COPA: variants seen among roughly 807,000 people sequenced by gnomAD.
The protein encoded by COPA is coatomer subunit alpha.
COPA carries 10 observed loss-of-function variants against 158.7 expected under a neutral mutation model. The ratio of observed to expected loss-of-function variants is 0.06; its 90% CI spans 0.04 to 0.11. The LOEUF (loss-of-function observed/expected upper bound fraction) is 0.11, where lower values mean the gene tolerates loss of function less well. Among genes scored for constraint, COPA ranks in the 10% least tolerant of loss-of-function variants. The probability of loss-of-function intolerance (pLI) is 1.00; values close to 1 mark genes in which losing one functional copy is unlikely to be tolerated. For missense variants in COPA, 1,065 were observed against 1,536.7 expected, an observed-to-expected ratio of 0.69 and a Z score of 5.13; for synonymous variants, 462 against 542.8, an observed-to-expected ratio of 0.85 and a Z score of 2.07.
At chr1:160,339,791 T>C (rs1647950412) in intron 3 of COPA, 118 bp downstream of exon 3, 3 of 822,840 alleles carry the variant, frequency 3.6e-6, no homozygotes, top group Middle Eastern at 2.4e-4. Flanking sequence ...CCGGATAATG[T>C]TGTCAAAGGC....
At chr1:160,324,666 A>G (rs756066511) in intron 7 of COPA, among the ~76,000 whole-genome samples, 14 of 152,166 alleles carry the variant, frequency 9.2e-5, no homozygotes, top group Non-Finnish European at 1.8e-4. Flanking sequence ...GATATGTGAT[A>G]TCATCGCTCT....
intron 6 of COPA, among the ~76,000 whole-genome samples, chr1:160,327,546 G>A (rs140284465): frequency 0.02 from 2,997 of 147,666 alleles, 45 homozygotes; most frequent in Non-Finnish European, 0.025. Flanking sequence ...GCGAAAGAAC[G>A]AAACTCCGTC....
rs1658191945 is a variant in COPA at position 160,290,526 on chromosome 1, G to C, written c.3581C>G (p.Pro1194Arg). 1 of 1,614,092 alleles carries C rather than the reference G, an allele frequency of 6.2e-7. No homozygotes were observed. The highest frequency in any genetic ancestry group is 8.5e-7 in the Non-Finnish European group (1 of 1,180,042). Residue 1194 changes from proline to arginine, a missense_variant, in exon 32 of 33, where the codon CCT (proline) becomes CGT (arginine). Physicochemically the swap from Pro to Arg is moderately radical, Grantham distance 103. This residue lies in a region of COPA where 980 missense variants were observed against 1,357.8 expected (regional missense o/e 0.72). Transcript: ENST00000241704. ...KCPLSGACYS[P>R]EFKGQICRVT... is the part of the protein sequence containing the mutation. Reference sequence around the variant, plus strand: ...CCTGCAGATTTGACCTTTGAACTCAGGGGAATAGCAGGCCCCACTGAGTGG... The same window carrying C: ...CCTGCAGATTTGACCTTTGAACTCACGGGAATAGCAGGCCCCACTGAGTGG...
intron 8 of COPA, among the ~76,000 whole-genome samples, chr1:160,315,965 A>C (rs1659119975): frequency 6.6e-6 from 1 of 152,250 alleles, no homozygotes; most frequent in African/African-American, 2.4e-5. Flanking sequence ...TTGAAACAGA[A>C]ACACATTTGC....
chr1:160,312,946 G>A, intron 10 of COPA, 139 bp downstream of exon 10: 2 of 705,422 alleles, frequency 2.8e-6, no homozygotes, highest in Non-Finnish European at 4.6e-6. Context: ...AAGGAGAAAA[G>A]CTTCAACTAA....
chr1:160,319,713 T>C (rs896285213), intron 8 of COPA, among the ~76,000 whole-genome samples: 1 of 151,444 alleles, frequency 6.6e-6, no homozygotes, highest in African/African-American at 2.4e-5. Flanking sequence ...TAGAAATCAA[T>C]AACAAGAGGA....
In COPA at chr1:160,297,565, T is replaced by C; in HGVS notation, c.2158A>G (p.Met720Val). 1 of 1,614,030 alleles carries C rather than the reference T, an allele frequency of 6.2e-7. No homozygotes were observed. ...AGTTTGAGGGCCTCACCAATCTTCA[T>C]CATCTTGCGAAGTTTTTCTAAGTTG... ...TGNLEKLRKM[M>V]KIAEIRKDMS... is the part of the protein sequence containing the mutation. Residue 720 changes from methionine to valine, a missense_variant, in exon 20 of 33, where the codon ATG becomes GTG. By Grantham distance (21) the Met-to-Val change is conservative. Coordinates refer to ENST00000241704, the MANE Select transcript of COPA (RefSeq NM_004371.4).
At chr1:160,318,197 G>A (rs1451551948) in intron 8 of COPA, among the ~76,000 whole-genome samples, 2 of 152,008 alleles carry the variant, frequency 1.3e-5, no homozygotes, top group Admixed American at 6.5e-5. Flanking sequence ...GAGGAATATC[G>A]GGTTGAAGTC....
At chr1:160,300,344 AAAATAAAT>A (rs36034271) in intron 17 of COPA, among the ~76,000 whole-genome samples, 7,361 of 138,862 alleles carry the variant, frequency 0.053, 555 homozygotes, top group African/African-American at 0.17. Flanking sequence ...ACTCCGACTC[AAAATAAAT>A]AAATAAATAA....
intron 6 of COPA, among the ~76,000 whole-genome samples, chr1:160,330,833 C>A (rs1340684583): frequency 6.6e-6 from 1 of 152,106 alleles, no homozygotes; most frequent in Non-Finnish European, 1.5e-5. Flanking sequence ...CAGTCACTGA[C>A]ATTTCAAAGA....
intron 17 of COPA, among the ~76,000 whole-genome samples, chr1:160,299,681 A>G (rs1445936104): frequency 1.3e-5 from 2 of 152,218 alleles, no homozygotes; most frequent in African/African-American, 4.8e-5. Flanking sequence ...AATAGATTGC[A>G]AATTGAAGTT....
At chr1:160,322,412 C>G (rs1286920292) in intron 8 of COPA, among the ~76,000 whole-genome samples, 1 of 152,084 alleles carries the variant, frequency 6.6e-6, no homozygotes, top group Admixed American at 6.6e-5. Flanking sequence ...CTATCTCTCA[C>G]CACACACAAA....
Position 160,312,322 on chromosome 1 carries a change from G to A in COPA, c.926-304C>T, listed in dbSNP as rs371615229. Among the ~76,000 whole-genome samples the A allele has an allele frequency of 3.2e-3, 483 of 152,030 alleles. 3 individuals are homozygous for A. Among genetic ancestry groups the A allele is most frequent in the African/African-American group, 0.011 (456 of 41,420 alleles). The stretch of plus-strand genomic sequence containing the variant: ...ATCATCCTGCACTGTAATCATTTAG[G>A]TCTATCACCCACATTGTAACATGAA... On this transcript the variant is annotated intron_variant, in intron 10 of 32. Transcript: ENST00000241704.
chr1:160,293,361 C>A lies in COPA; in HGVS notation c.2754+25G>T, dbSNP rs568817617. On this transcript the variant is annotated intron_variant, in intron 26 of 32. Transcript: ENST00000241704. ...ATCAAGTATTAGCCACTCATCCCTG[C>A]CGTGCTAGGTTTCTTCCCGCTTACC... 10 of 1,613,094 alleles carry A rather than the reference C, an allele frequency of 6.2e-6. No homozygotes were observed. In the South Asian group the frequency reaches 1.1e-4, roughly 18 times the overall value.
At chr1:160,294,922 T>G (rs939545976) in intron 23 of COPA, 65 bp from the exon 24 acceptor site, 34 of 1,385,434 alleles carry the variant, frequency 2.5e-5, no homozygotes, top group Non-Finnish European at 3.0e-5. Flanking sequence ...CGGCCTTTTC[T>G]GTAGGCAGGT....
rs115066135 is a variant in COPA at position 160,311,950 on chromosome 1, T to G, written c.994A>C (p.Met332Leu). The change falls in exon 11 of 33, where the codon ATG becomes CTG. Residue 332 changes from methionine to leucine, a missense_variant. This residue lies in a region of COPA where 980 missense variants were observed against 1,357.8 expected (regional missense o/e 0.72). Coordinates refer to ENST00000241704, the MANE Select transcript of COPA (RefSeq NM_004371.4). ...AATCGGTCCTTGACATAGTGTAGCA[T>G]ATTGCCATGAACAGCATAGGCTGGC... ...ERPAYAVHGN[M>L]LHYVKDRFLR... 106 of 1,613,964 alleles carry G rather than the reference T, an allele frequency of 6.6e-5. No homozygotes were observed. Among genetic ancestry groups the G allele is most frequent in the Non-Finnish European group, 8.7e-5 (103 of 1,180,020 alleles).
intron 9 of COPA, 89 bp from the exon 10 acceptor site, chr1:160,313,256 GC>G: frequency 8.4e-7 from 1 of 1,188,150 alleles, no homozygotes; most frequent in Non-Finnish European, 1.2e-6. Flanking sequence ...AAGCCAGCAA[GC>G]TGATTAAAAT....
Position 160,297,582 on chromosome 1 carries a change from T to C in COPA, c.2141A>G (p.Glu714Gly), listed in dbSNP as rs1658456668. 6.2e-7 allele frequency: 1 copy of C among 1,614,072 alleles called. No individual in the cohort carries two copies. ...AATCTTCATCATCTTGCGAAGTTTT[T>C]CTAAGTTGCCAGTGATAAGATACAG... ...SFLYLITGNL[E>G]KLRKMMKIAE... is the part of the protein sequence containing the mutation. The change falls in exon 20 of 33, where the codon GAA (glutamate) becomes GGA (glycine). Residue 714 changes from glutamate to glycine, a missense_variant. Physicochemically the swap from Glu to Gly is moderately conservative, Grantham distance 98. Coordinates refer to ENST00000241704, the MANE Select transcript of COPA (RefSeq NM_004371.4).
chr1:160,301,759 C>A (rs935574477), intron 17 of COPA, among the ~76,000 whole-genome samples: 2 of 151,960 alleles, frequency 1.3e-5, no homozygotes, highest in Admixed American at 6.5e-5. Flanking sequence ...CAGAGTGAGA[C>A]TCTCTGCCAA....
Sources: allele counts gnomAD v4.1 joint callset (sites outside exome capture counted in the v4.1 genomes callset), GRCh38; gene constraint gnomAD v4.1.1; regional missense constraint gnomAD v4.1.1; transcripts MANE v1.5; gene names NCBI Gene and HGNC (gene_info 2026-07-23, HGNC 2026-07-21).